Variants in AASS observed in about 807,000 individuals in gnomAD.
The protein encoded by AASS is alpha-aminoadipic semialdehyde synthase, mitochondrial.
A neutral mutation model predicts 105.4 loss-of-function variants in AASS; 86 were observed. The ratio of observed to expected loss-of-function variants is 0.82; its 90% CI spans 0.69 to 0.98. The LOEUF (loss-of-function observed/expected upper bound fraction) is 0.98, where lower values mean the gene tolerates loss of function less well. Among genes scored for constraint, AASS ranks in the 50% least tolerant of loss-of-function variants. The probability of loss-of-function intolerance (pLI) is 0.00; values close to 1 mark genes in which losing one functional copy is unlikely to be tolerated. For synonymous variants in AASS, 381 were observed against 394.8 expected (o/e 0.96, Z 0.41); for missense variants, 1,048 against 1,143.2 (o/e 0.92, Z 1.20).
intron 3 of AASS, among the ~76,000 whole-genome samples, 189 bp downstream of exon 3, chr7:122,129,172 T>C (rs1196428234): frequency 6.6e-6 from 1 of 152,150 alleles, no homozygotes; most frequent in Non-Finnish European, 1.5e-5. Context: ...ATATGGCCAA[T>C]TGACCTTATA....
chr7:122,117,863 C>T (rs929474414), intron 6 of AASS, among the ~76,000 whole-genome samples: 2 of 151,922 alleles, frequency 1.3e-5, no homozygotes, highest in African/African-American at 4.8e-5. Context: ...ACCATATTGG[C>T]CAGGTTGGCC....
intron 4 of AASS, among the ~76,000 whole-genome samples, chr7:122,119,346 G>A (rs1193102150): frequency 6.6e-6 from 1 of 152,024 alleles, no homozygotes; most frequent in Non-Finnish European, 1.5e-5. Flanking sequence ...TAAATTTCAA[G>A]TACTATCTAT....
At chr7:122,088,603 A>C (rs151318820) in intron 18 of AASS, among the ~76,000 whole-genome samples, 2 of 152,316 alleles carry the variant, frequency 1.3e-5, no homozygotes, top group East Asian at 3.9e-4. Context: ...TGAAAGTTGC[A>C]TAAAGAATTG....
intron 9 of AASS, 111 bp from the exon 10 acceptor site, chr7:122,113,831 A>G: frequency 8.0e-7 from 1 of 1,255,878 alleles, no homozygotes; most frequent in Non-Finnish European, 1.1e-6. Flanking sequence ...AATATTTTCC[A>G]GGCTTTTGGG....
chr7:122,120,079 T>A (rs1331964656), intron 4 of AASS, among the ~76,000 whole-genome samples: 1 of 152,206 alleles, frequency 6.6e-6, no homozygotes, highest in Non-Finnish European at 1.5e-5. Flanking sequence ...ATACATATTT[T>A]GTGTGTATCA....
At chr7:122,082,193 T>C (rs1793369170) in intron 19 of AASS, among the ~76,000 whole-genome samples, 1 of 152,150 alleles carries the variant, frequency 6.6e-6, no homozygotes, top group East Asian at 1.9e-4. Flanking sequence ...TAAAAATTCC[T>C]CATATGTCCT....
rs1312602460 is a variant in AASS, at chr7:122,120,831, A to G, written c.473-2201T>C. ...CATCAGTTATTCAAAATTACATTGA[A>G]TATCTCCCAAATATTTGGAAAATTT... On this transcript the variant is annotated intron_variant, in intron 4 of 23. Transcript: ENST00000417368. Among the ~76,000 whole-genome samples the G allele has an allele frequency of 6.6e-5, 10 of 152,122 alleles. No individual in the cohort carries two copies. In the East Asian group the frequency reaches 1.9e-3, roughly 29 times the overall value.
chr7:122,078,732 A>G (rs917271570), intron 22 of AASS, 130 bp downstream of exon 22: 6 of 826,990 alleles, frequency 7.3e-6, no homozygotes, highest in African/African-American at 6.7e-5. Flanking sequence ...AAATAGTCCA[A>G]TTGCCCTTTT....
At chr7:122,133,455 G>T in intron 2 of AASS, 62 bp downstream of exon 2, 3 of 1,537,764 alleles carry the variant, frequency 2.0e-6, no homozygotes, top group Non-Finnish European at 2.7e-6. Flanking sequence ...TCACTCAGAT[G>T]CTCCTTAATT....
chr7:122,087,304 A>G (rs1159316707), intron 18 of AASS, among the ~76,000 whole-genome samples: 2 of 152,182 alleles, frequency 1.3e-5, no homozygotes, highest in African/African-American at 2.4e-5. Flanking sequence ...GAAGCCCCAG[A>G]AAGAAAAGGG....
intron 23 of AASS, 46 bp from the exon 24 acceptor site, chr7:122,076,653 G>C: frequency 7.2e-7 from 1 of 1,393,836 alleles, no homozygotes; most frequent in Admixed American, 1.7e-5. Context: ...GGTTGTGTCA[G>C]AGGTTAATTT....
At chr7:122,094,967 C>T (rs547359884) in intron 15 of AASS, among the ~76,000 whole-genome samples, 1 of 151,980 alleles carries the variant, frequency 6.6e-6, no homozygotes, top group African/African-American at 2.4e-5. Flanking sequence ...ACAGAAAACC[C>T]CAATCCAAAT....
chr7:122,123,289 C>T (rs1795515971), intron 4 of AASS, among the ~76,000 whole-genome samples: 1 of 152,184 alleles, frequency 6.6e-6, no homozygotes, highest in Non-Finnish European at 1.5e-5. Flanking sequence ...TTGAGTTCAC[C>T]AAGCTTTGTG....
rs1794274002 is a variant in AASS, at chr7:122,098,502, T to C, written c.1603A>G (p.Lys535Glu). 6.2e-7 allele frequency: 1 copy of C among 1,612,154 alleles called. No individual in the cohort carries two copies. Among genetic ancestry groups the C allele is most frequent in the Non-Finnish European group, 8.5e-7 (1 of 1,178,696 alleles). Residue 535 changes from lysine (K) to glutamate (E), a missense_variant, in exon 15 of 24, where the codon AAA (lysine) becomes GAA (glutamate). Transcript: ENST00000417368. ...AAGAAGCCCAGCTTCTCTTCTTGTT[T>C]ACAAATGTCCATGCTAACAGGATTA... Reference protein sequence around the residue: ...NINPVSMDICKQEEKLGFLVA... With the variant: ...NINPVSMDICEQEEKLGFLVA...
chr7:122,087,882 A>G (rs947892541), intron 18 of AASS, among the ~76,000 whole-genome samples: 9 of 152,302 alleles, frequency 5.9e-5, no homozygotes, highest in South Asian at 4.1e-4. Flanking sequence ...TCATAAGTCT[A>G]TCATGAAATC....
chr7:122,081,443 C>T (rs1793315699), intron 20 of AASS, 57 bp downstream of exon 20: 2 of 1,344,106 alleles, frequency 1.5e-6, no homozygotes, highest in African/African-American at 2.9e-5. Context: ...CACCCCCGAC[C>T]ATTTCAGAAG....
At chr7:122,095,732 GT>G (rs1159030841) in intron 15 of AASS, among the ~76,000 whole-genome samples, 1 of 151,854 alleles carries the variant, frequency 6.6e-6, no homozygotes, top group Non-Finnish European at 1.5e-5. Flanking sequence ...CTGTGTTTTT[GT>G]TTCCTTAAAC....
chr7:122,089,876 T>C (rs1793812413), intron 18 of AASS, among the ~76,000 whole-genome samples: 1 of 152,190 alleles, frequency 6.6e-6, no homozygotes, highest in Non-Finnish European at 1.5e-5. Context: ...TTTACTCAAC[T>C]GAGGCAAGAA....
chr7:122,077,821 C>T lies in AASS; in HGVS notation c.2662+17G>A, dbSNP rs752968291. 1.2e-6 allele frequency: 2 copies of T among 1,614,194 alleles called. No individual in the cohort carries two copies. Among genetic ancestry groups the T allele is most frequent in the Non-Finnish European group, 1.7e-6 (2 of 1,180,026 alleles). On this transcript the variant is annotated intron_variant, in intron 23 of 23. Transcript: ENST00000417368. Reference sequence around the variant, plus strand: ...GTGAAACAGAAACAGGCTTACACCTCAAATGAACAGACTTACCATCAAGCA... The same window carrying T: ...GTGAAACAGAAACAGGCTTACACCTTAAATGAACAGACTTACCATCAAGCA...
Sources: gnomAD v4.1 joint callset for allele counts (sites outside exome capture counted in the v4.1 genomes callset) on GRCh38, gnomAD v4.1.1 for gene constraint, MANE v1.5 for transcripts, NCBI Gene and HGNC (gene_info 2026-07-23, HGNC 2026-07-21) for gene names.